The following ARHGAP24 variants were observed in gnomAD, a reference collection of about 807,000 sequenced individuals.
The protein encoded by ARHGAP24 is rho GTPase-activating protein 24.
ARHGAP24 carries 50 observed loss-of-function variants against 76.4 expected under a neutral mutation model. The ratio of observed to expected loss-of-function variants is 0.65; its 90% CI spans 0.52 to 0.83. The LOEUF (loss-of-function observed/expected upper bound fraction) is 0.83. Ranked by LOEUF, ARHGAP24 falls within the 40% of genes least tolerant of loss-of-function variation. The probability of loss-of-function intolerance (pLI) is 0.00; values close to 1 mark genes in which losing one functional copy is unlikely to be tolerated. For missense variants in ARHGAP24, 930 were observed against 914.2 expected (o/e 1.02, Z -0.22); for synonymous variants, 345 against 323.3 (o/e 1.07, Z -0.72).
chr4:85,769,867 A>G (rs1259111874), intron 3 of ARHGAP24, among the ~76,000 whole-genome samples: 2 of 152,040 alleles, frequency 1.3e-5, no homozygotes, highest in Non-Finnish European at 2.9e-5. Flanking sequence ...GATTACAGGC[A>G]TGAGCCACCG....
rs1326162094 is a variant in ARHGAP24 at position 85,995,051 on chromosome 4, A to G, written c.1397A>G (p.Lys466Arg). The G allele has an allele frequency of 6.2e-7, 1 of 1,614,104 alleles. No individual in the cohort carries two copies. The highest frequency in any genetic ancestry group is 1.1e-5 in the South Asian group (1 of 91,060). ...CAGGCCAGAAGGAGCTCTTCACTGA[A>G]GGTATCTGGTACCAAAATGGGCACG... ...SLQARRSSSL[K>R]VSGTKMGTHS... Residue 466 changes from lysine (K) to arginine (R), a missense_variant, in exon 9 of 10, where the codon AAG becomes AGG. Coordinates refer to ENST00000395184, the MANE Select transcript of ARHGAP24 (RefSeq NM_001025616.3).
chr4:85,634,088 A>G (rs1403455867), intron 2 of ARHGAP24, among the ~76,000 whole-genome samples: 1 of 151,892 alleles, frequency 6.6e-6, no homozygotes, highest in African/African-American at 2.4e-5. Context: ...TAGCAGTCTC[A>G]TTCAACTGAA....
chr4:85,706,740 AT>A (rs1724323536), intron 2 of ARHGAP24, among the ~76,000 whole-genome samples: 1 of 151,536 alleles, frequency 6.6e-6, no homozygotes, highest in African/African-American at 2.4e-5. Context: ...TAATTTTTGT[AT>A]TTTTAGTAGA....
chr4:85,683,109 T>TGGGG (rs1205882687), intron 2 of ARHGAP24, among the ~76,000 whole-genome samples: 20 of 17,474 alleles, frequency 1.1e-3, no homozygotes, highest in African/African-American at 3.1e-3. Context: ...TCTCAGTGTG[T>TGGGG]GGGGGGGTGG....
At chr4:85,987,637 A>T (rs1266737578) in intron 8 of ARHGAP24, among the ~76,000 whole-genome samples, 2 of 152,066 alleles carry the variant, frequency 1.3e-5, no homozygotes, top group Non-Finnish European at 2.9e-5. Flanking sequence ...TCCAAATAGA[A>T]TTTCTAAGGA....
chr4:85,529,072 G>T (rs1038362777), intron 1 of ARHGAP24, among the ~76,000 whole-genome samples: 3 of 151,976 alleles, frequency 2.0e-5, no homozygotes, highest in African/African-American at 4.8e-5. Context: ...TTCTTCTCAT[G>T]TATATCCAGT....
At chr4:85,898,835 C>G (rs1161588680) in intron 3 of ARHGAP24, among the ~76,000 whole-genome samples, 1 of 152,148 alleles carries the variant, frequency 6.6e-6, no homozygotes, top group Non-Finnish European at 1.5e-5. Flanking sequence ...ACTTCCGCCT[C>G]CCGGTTCAAG....
intron 1 of ARHGAP24, among the ~76,000 whole-genome samples, chr4:85,501,917 A>G (rs1723835189): frequency 6.6e-6 from 1 of 151,948 alleles, no homozygotes; most frequent in Admixed American, 6.6e-5. Context: ...TAAGGAAGGG[A>G]TCCAGTTTCA....
chr4:85,664,953 T>C (rs1722553241), intron 2 of ARHGAP24, among the ~76,000 whole-genome samples: 1 of 152,188 alleles, frequency 6.6e-6, no homozygotes, highest in Admixed American at 6.5e-5. Context: ...AATTTTGGAA[T>C]AGGTGTGGTA....
chr4:85,728,692 G>A (rs1268709177), intron 3 of ARHGAP24, among the ~76,000 whole-genome samples: 1 of 152,122 alleles, frequency 6.6e-6, no homozygotes, highest in Admixed American at 6.5e-5. Context: ...CTGCAGCTGT[G>A]TTACATAATA....
chr4:85,675,532 G>A (rs1722950291), intron 2 of ARHGAP24, among the ~76,000 whole-genome samples: 1 of 152,146 alleles, frequency 6.6e-6, no homozygotes, highest in Non-Finnish European at 1.5e-5. Context: ...GGATTGCGGG[G>A]TAACAATTTA....
chr4:85,585,904 C>T (rs745774910), intron 2 of ARHGAP24, among the ~76,000 whole-genome samples: 8 of 152,254 alleles, frequency 5.3e-5, no homozygotes, highest in African/African-American at 1.2e-4. Flanking sequence ...CTAGTTGGTT[C>T]GTGGTCACAT....
chr4:85,988,371 C>T (rs578140009), intron 8 of ARHGAP24, among the ~76,000 whole-genome samples: 3 of 151,640 alleles, frequency 2.0e-5, no homozygotes, highest in African/African-American at 7.2e-5. Context: ...ATACATAATA[C>T]ATACAGAAAT....
intron 2 of ARHGAP24, among the ~76,000 whole-genome samples, chr4:85,627,341 C>T (rs980479116): frequency 6.6e-6 from 1 of 152,178 alleles, no homozygotes; most frequent in African/African-American, 2.4e-5. Flanking sequence ...AGGTCCACTC[C>T]AGACCCTGTT....
At chr4:85,989,343 A>G (rs991869870) in intron 8 of ARHGAP24, among the ~76,000 whole-genome samples, 1 of 151,556 alleles carries the variant, frequency 6.6e-6, no homozygotes, top group Non-Finnish European at 1.5e-5. Flanking sequence ...CCTCAAGATT[A>G]GAAAGAAAGA....
chr4:85,484,148 C>T (rs1052116474), intron 1 of ARHGAP24, among the ~76,000 whole-genome samples: 1 of 152,042 alleles, frequency 6.6e-6, no homozygotes, highest in Non-Finnish European at 1.5e-5. Context: ...CTGGGTAAGT[C>T]CCACAGAAGT....
At chr4:85,767,264 T>C (rs17010812) in intron 3 of ARHGAP24, among the ~76,000 whole-genome samples, 75,856 of 152,094 alleles carry the variant, frequency 0.5, 22,330 homozygotes, top group Non-Finnish European at 0.68. Context: ...TATTTTAATG[T>C]TTTGATTATA....
chr4:85,665,364 T>G (rs1350882457), intron 2 of ARHGAP24, among the ~76,000 whole-genome samples: 1 of 152,180 alleles, frequency 6.6e-6, no homozygotes, highest in African/African-American at 2.4e-5. Flanking sequence ...TTCCATCTGC[T>G]TGGTAGATCT....
intron 3 of ARHGAP24, among the ~76,000 whole-genome samples, chr4:85,839,850 T>C (rs1296275375): frequency 0.023 from 2,922 of 128,068 alleles, 64 homozygotes; most frequent in South Asian, 0.044. Flanking sequence ...TTTCTTTTTT[T>C]TTTTTTTTTT....
Sources: gnomAD v4.1 joint callset for allele counts (sites outside exome capture counted in the v4.1 genomes callset) on GRCh38, gnomAD v4.1.1 for gene constraint, MANE v1.5 for transcripts, NCBI Gene and HGNC (gene_info 2026-07-23, HGNC 2026-07-21) for gene names.